Variants in PLCXD3 observed in about 807,000 individuals in gnomAD.
PLCXD3 encodes the protein phosphatidylinositol specific phospholipase C X domain containing 3, also known as PI-PLC X domain-containing protein 3.
A neutral mutation model predicts 25.5 loss-of-function variants in PLCXD3; 19 were observed. The observed-to-expected ratio is 0.75, with a 90% confidence interval of 0.52 to 1.09. The LOEUF (loss-of-function observed/expected upper bound fraction) is 1.09, where lower values mean the gene tolerates loss of function less well. Ranked by LOEUF, PLCXD3 falls within the 50% of genes least tolerant of loss-of-function variation. The pLI, the probability that PLCXD3 is intolerant of heterozygous loss-of-function variation, is 0.00. For missense variants in PLCXD3, 411 were observed against 388.1 expected (o/e 1.06, Z -0.50); for synonymous variants, 174 against 137.6 (o/e 1.26, Z -1.85).
chr5:41,410,666 G>C (rs1219858502), intron 1 of PLCXD3, among the ~76,000 whole-genome samples: 1 of 152,074 alleles, frequency 6.6e-6, no homozygotes, highest in Non-Finnish European at 1.5e-5. Flanking sequence ...TCACTTTATG[G>C]CCACCTTTTT....
intron 2 of PLCXD3, among the ~76,000 whole-genome samples, chr5:41,377,024 A>G (rs969147473): frequency 3.3e-5 from 5 of 152,148 alleles, no homozygotes; most frequent in Non-Finnish European, 7.4e-5. Context: ...ATAAGACTCC[A>G]TATCTGAGAT....
At chr5:41,404,807 T>G (rs1268948228) in intron 1 of PLCXD3, among the ~76,000 whole-genome samples, 4 of 152,100 alleles carry the variant, frequency 2.6e-5, no homozygotes, top group Non-Finnish European at 5.9e-5. Flanking sequence ...TCAAAGAAAA[T>G]GTATCAAGTC....
intron 2 of PLCXD3, among the ~76,000 whole-genome samples, chr5:41,359,400 A>G (rs1383799915): frequency 1.3e-5 from 2 of 151,844 alleles, no homozygotes; most frequent in African/African-American, 2.4e-5. Flanking sequence ...GCTGTTTGTT[A>G]TTGGTCTGTT....
At chr5:41,456,738 C>T (rs1561278935) in intron 1 of PLCXD3, among the ~76,000 whole-genome samples, 2 of 151,774 alleles carry the variant, frequency 1.3e-5, no homozygotes, top group Admixed American at 6.6e-5. Context: ...ATCCCTTGTC[C>T]CTTCCACCAT....
rs897373753 is a variant in PLCXD3, at chr5:41,307,802, C to T, written c.*5815G>A. On this transcript the variant is annotated 3_prime_UTR_variant, in exon 3 of 3. Transcript: ENST00000377801. ...GAAATAATGAATTCGTTTGTTATCT[C>T]TCTGAAAGAAAAAAGAAATTGAATT... 2.0e-5 allele frequency: 3 copies of T among 152,070 alleles called. No homozygotes were observed. Among genetic ancestry groups the T allele is most frequent in the Non-Finnish European group, 4.4e-5 (3 of 68,010 alleles). 9.4% of individuals were successfully genotyped at this position (152,070 alleles called of 1,614,324 possible).
intron 2 of PLCXD3, among the ~76,000 whole-genome samples, chr5:41,353,381 G>A (rs975148431): frequency 1.1e-4 from 16 of 152,024 alleles, no homozygotes; most frequent in Admixed American, 3.9e-4. Flanking sequence ...GATTACAGGC[G>A]TGGGCTACCG....
intron 1 of PLCXD3, among the ~76,000 whole-genome samples, chr5:41,471,537 A>G (rs1748158595): frequency 6.6e-6 from 1 of 152,158 alleles, no homozygotes; most frequent in African/African-American, 2.4e-5. Flanking sequence ...AGTCTTGCCA[A>G]TTCAGGCTAA....
intron 1 of PLCXD3, among the ~76,000 whole-genome samples, chr5:41,490,913 GT>G (rs980690338): frequency 1.3e-5 from 2 of 152,040 alleles, no homozygotes; most frequent in Non-Finnish European, 2.9e-5. Flanking sequence ...TTTTTGAAGG[GT>G]TTTTTGTGTC....
intron 1 of PLCXD3, among the ~76,000 whole-genome samples, chr5:41,399,123 A>G (rs917447488): frequency 6.6e-5 from 10 of 152,192 alleles, no homozygotes; most frequent in African/African-American, 9.6e-5. Flanking sequence ...TTAAATACCT[A>G]GGAATTAGCT....
At chr5:41,397,169 A>G (rs1230707789) in intron 1 of PLCXD3, among the ~76,000 whole-genome samples, 1 of 152,178 alleles carries the variant, frequency 6.6e-6, no homozygotes, top group Non-Finnish European at 1.5e-5. Context: ...GGCATTTCAG[A>G]GACCTTTGTG....
chr5:41,460,032 C>A (rs1302302961), intron 1 of PLCXD3, among the ~76,000 whole-genome samples: 2 of 151,834 alleles, frequency 1.3e-5, no homozygotes, highest in African/African-American at 2.4e-5. Context: ...CACAGCTATG[C>A]CTTGCAGAGA....
intron 2 of PLCXD3, among the ~76,000 whole-genome samples, chr5:41,362,714 G>T (rs114475996): frequency 6.6e-6 from 1 of 152,036 alleles, no homozygotes; most frequent in East Asian, 1.9e-4. Context: ...ATTTTATTTC[G>T]CTTTTTACTG....
intron 2 of PLCXD3, among the ~76,000 whole-genome samples, chr5:41,335,938 T>C (rs1743966044): frequency 6.6e-6 from 1 of 152,154 alleles, no homozygotes; most frequent in South Asian, 2.1e-4. Context: ...ATTCCAATTC[T>C]AAAGGAAATG....
intron 1 of PLCXD3, among the ~76,000 whole-genome samples, chr5:41,416,531 G>T (rs913920869): frequency 3.9e-4 from 59 of 152,300 alleles, no homozygotes; most frequent in African/African-American, 1.3e-3. Flanking sequence ...GGAAACCAGT[G>T]TAGTGCCCAG....
chr5:41,460,284 C>A (rs1237360379), intron 1 of PLCXD3, among the ~76,000 whole-genome samples: 1 of 151,824 alleles, frequency 6.6e-6, no homozygotes. Flanking sequence ...ATTTTAATAT[C>A]CTTTACCTTT....
chr5:41,451,387 A>G (rs1184898761), intron 1 of PLCXD3, among the ~76,000 whole-genome samples: 1 of 152,008 alleles, frequency 6.6e-6, no homozygotes, highest in Non-Finnish European at 1.5e-5. Context: ...GGGAGATGGG[A>G]TTCTATTTAC....
At chr5:41,423,468 C>T (rs1313915448) in intron 1 of PLCXD3, among the ~76,000 whole-genome samples, 2 of 152,028 alleles carry the variant, frequency 1.3e-5, no homozygotes, top group Non-Finnish European at 2.9e-5. Context: ...ATAGTTATGG[C>T]CTTCATTTCT....
chr5:41,366,572 T>G (rs539857783), intron 2 of PLCXD3, among the ~76,000 whole-genome samples: 2 of 152,314 alleles, frequency 1.3e-5, no homozygotes, highest in Admixed American at 1.3e-4. Context: ...ATTTTCAAAC[T>G]ATTTCAACAC....
chr5:41,447,486 T>TGA (rs200627915), intron 1 of PLCXD3, among the ~76,000 whole-genome samples: 5 of 151,548 alleles, frequency 3.3e-5, no homozygotes, highest in African/African-American at 1.2e-4. Context: ...GGCAGAAGGG[T>TGA]GAGAGAGAGA....
Sources: gnomAD v4.1 joint callset for allele counts (sites outside exome capture counted in the v4.1 genomes callset) on GRCh38, gnomAD v4.1.1 for gene constraint, MANE v1.5 for transcripts, NCBI Gene and HGNC (gene_info 2026-07-23, HGNC 2026-07-21) for gene names.